Variants in CSNK1G1 observed in about 807,000 individuals in gnomAD.
The protein encoded by CSNK1G1 is casein kinase 1 gamma 1, also known as casein kinase I isoform gamma-1.
In CSNK1G1, 22 loss-of-function variants were observed where a neutral mutation model predicts 59.6. The observed-to-expected ratio is 0.37, with a 90% confidence interval of 0.26 to 0.53. CSNK1G1 has a LOEUF of 0.53. Ranked by LOEUF, CSNK1G1 falls within the 20% of genes least tolerant of loss-of-function variation. CSNK1G1 has a pLI of 0.89. For synonymous variants in CSNK1G1, 179 were observed against 177.1 expected (o/e 1.01, Z -0.08); for missense variants, 384 against 519.5 (o/e 0.74, Z 2.54).
At chr15:64,187,358 A>ATT (rs371229586) in intron 10 of CSNK1G1, among the ~76,000 whole-genome samples, 2 of 145,302 alleles carry the variant, frequency 1.4e-5, no homozygotes, top group Non-Finnish European at 1.5e-5. Flanking sequence ...GGCCTGGCTA[A>ATT]TTTTTTTTTT....
At position 64,257,287 on chromosome 15, in the gene CSNK1G1, C is replaced by T. The variant is rs376766661; in HGVS notation, c.222+1914G>A. 8.6e-5 allele frequency among the ~76,000 whole-genome samples: 13 copies of T among 152,010 alleles called. 1 individual carries two copies. Among genetic ancestry groups the T allele is most frequent in the East Asian group, 5.8e-4 (3 of 5,186 alleles). On this transcript the variant is annotated intron_variant, in intron 3 of 11. Coordinates refer to ENST00000303052, the MANE Select transcript of CSNK1G1 (RefSeq NM_022048.5). ...TATCTATACAGGTTGATTGGTATAA[C>T]CTGGCAGAAGAAATCAAGATGAAAG...
At position 64,278,757 on chromosome 15, in the gene CSNK1G1, C is replaced by G. The variant is rs530920896; in HGVS notation, c.182-19516G>C. ...GTAGATTTTTATGTAAAATTAGGTA[C>G]TCAACTAATGTACATATAGGAGAAG... On this transcript the variant is annotated intron_variant, in intron 2 of 11. Coordinates refer to ENST00000303052, the MANE Select transcript of CSNK1G1 (RefSeq NM_022048.5). Among the ~76,000 whole-genome samples, 11 of 152,254 alleles carry G rather than the reference C, an allele frequency of 7.2e-5. No homozygotes were observed. The East Asian group carries it at 1.4e-3, about 19-fold the overall frequency.
At chr15:64,264,301 T>C (rs991175310) in intron 2 of CSNK1G1, among the ~76,000 whole-genome samples, 2 of 152,072 alleles carry the variant, frequency 1.3e-5, no homozygotes, top group South Asian at 2.1e-4. Flanking sequence ...CCTGGAAACA[T>C]ACATACAACC....
At chr15:64,227,534 A>T (rs2082478899) in intron 4 of CSNK1G1, among the ~76,000 whole-genome samples, 1 of 152,240 alleles carries the variant, frequency 6.6e-6, no homozygotes, top group South Asian at 2.1e-4. Flanking sequence ...ATGACCAAAA[A>T]AATGAGACAT....
chr15:64,196,391 T>C (rs2082039014), intron 10 of CSNK1G1, among the ~76,000 whole-genome samples: 1 of 151,712 alleles, frequency 6.6e-6, no homozygotes, highest in Non-Finnish European at 1.5e-5. Flanking sequence ...AGCAAAATTT[T>C]CCCAGAATAC....
intron 4 of CSNK1G1, among the ~76,000 whole-genome samples, chr15:64,249,029 G>A (rs1483173149): frequency 2.6e-5 from 4 of 152,234 alleles, no homozygotes; most frequent in African/African-American, 9.6e-5. Flanking sequence ...AGGCTGAGGA[G>A]GAGAATGGCG....
At chr15:64,296,937 C>CTTTTTTTTTTTT (rs960068624) in intron 2 of CSNK1G1, among the ~76,000 whole-genome samples, 2 of 89,668 alleles carry the variant, frequency 2.2e-5, no homozygotes, top group Admixed American at 1.3e-4. Flanking sequence ...ACTATCGTTA[C>CTTTTTTTTTTTT]TTTTTTTTTT....
At chr15:64,217,089 T>A (rs149435310) in intron 4 of CSNK1G1, among the ~76,000 whole-genome samples, 10 of 152,228 alleles carry the variant, frequency 6.6e-5, no homozygotes, top group Admixed American at 6.5e-4. Context: ...CAGGCTAACA[T>A]AACTTGTTAC....
chr15:64,216,504 A>G lies in CSNK1G1; in HGVS notation c.444+58T>C. 6.4e-7 allele frequency: 1 copy of G among 1,553,102 alleles called. No individual in the cohort carries two copies. Among genetic ancestry groups the G allele is most frequent in the Non-Finnish European group, 8.8e-7 (1 of 1,130,172 alleles). ...CGGCTAGTAAATCACCAAAAGGCCCACAAGGATGTGGCTGAGGAACCAGCT... is the reference window on the plus strand; with the variant it reads ...CGGCTAGTAAATCACCAAAAGGCCCGCAAGGATGTGGCTGAGGAACCAGCT... On this transcript the variant is annotated intron_variant, in intron 5 of 11. Transcript: ENST00000303052. This position sits in a 1 kb window ranked among gnomAD's most constrained non-coding sequence, Gnocchi z 4.6.
chr15:64,281,738 G>A (rs1286498444), intron 2 of CSNK1G1, among the ~76,000 whole-genome samples: 2 of 151,834 alleles, frequency 1.3e-5, no homozygotes, highest in African/African-American at 4.8e-5. Flanking sequence ...TACTCAGGAG[G>A]CTGAGGCAGG....
At chr15:64,206,542 G>C (rs564476872) in intron 7 of CSNK1G1, among the ~76,000 whole-genome samples, 1 of 149,778 alleles carries the variant, frequency 6.7e-6, no homozygotes, top group African/African-American at 2.5e-5. Context: ...GGGAGGTGGA[G>C]GTTGCAGCGA....
intron 4 of CSNK1G1, among the ~76,000 whole-genome samples, chr15:64,244,828 A>G (rs1891666651): frequency 6.6e-6 from 1 of 152,052 alleles, no homozygotes; most frequent in African/African-American, 2.4e-5. Flanking sequence ...AAGGCGGGGA[A>G]AAAAAAACAA....
chr15:64,204,456 C>G lies in CSNK1G1; in HGVS notation c.984G>C (p.Trp328Cys). 1 of 1,588,964 alleles carries G rather than the reference C, an allele frequency of 6.3e-7. No homozygotes were observed. Among genetic ancestry groups the G allele is most frequent in the African/African-American group, 1.4e-5 (1 of 73,034 alleles). Residue 328 changes from tryptophan (W) to cysteine (C), a missense_variant, in exon 9 of 12, where the codon TGG (tryptophan) becomes TGC (cysteine). This residue lies in a region of CSNK1G1 where 325 missense variants were observed against 440.9 expected (regional missense o/e 0.74). Transcript: ENST00000303052. ...GGATACTTACAATAGGTCTCCCAAC[C>G]CAATCATAGGCATAGTCAAAGGTGT... ...KGYTFDYAYD[W>C]VGRPIPTPVG...
intron 4 of CSNK1G1, among the ~76,000 whole-genome samples, chr15:64,249,806 C>T (rs1891973819): frequency 6.6e-6 from 1 of 152,180 alleles, no homozygotes; most frequent in Non-Finnish European, 1.5e-5. Flanking sequence ...GAGTACCAAC[C>T]CAGCAGCACA....
chr15:64,281,028 C>T lies in CSNK1G1; in HGVS notation c.181+19291G>A, dbSNP rs188216262. On this transcript the variant is annotated intron_variant, in intron 2 of 11. Transcript: ENST00000303052. ...CCAAGTAGCTGGGACTACAGGCACC[C>T]GCCACCACGCCCGGCTAATTTTTTG... Among the ~76,000 whole-genome samples the T allele has an allele frequency of 7.8e-4, 118 of 151,420 alleles. 1 individual carries two copies. The East Asian group carries it at 0.021, about 27-fold the overall frequency.
intron 10 of CSNK1G1, among the ~76,000 whole-genome samples, chr15:64,185,376 A>G (rs1395163366): frequency 1.3e-5 from 2 of 151,754 alleles, no homozygotes; most frequent in Non-Finnish European, 3.0e-5. Context: ...GGTATGCTAA[A>G]AACAGTGTCA....
chr15:64,266,114 G>A (rs569551717), intron 2 of CSNK1G1, among the ~76,000 whole-genome samples: 1 of 151,916 alleles, frequency 6.6e-6, no homozygotes, highest in Admixed American at 6.5e-5. Flanking sequence ...CCAGGCTGCA[G>A]TGCAGCGACA....
chr15:64,225,153 C>T (rs1399206104), intron 4 of CSNK1G1, among the ~76,000 whole-genome samples: 5 of 151,832 alleles, frequency 3.3e-5, no homozygotes, highest in Admixed American at 2.6e-4. Flanking sequence ...GGATTACAGG[C>T]ATGCACCACC....
intron 1 of CSNK1G1, among the ~76,000 whole-genome samples, chr15:64,349,266 T>C (rs1267000501): frequency 6.6e-6 from 1 of 152,054 alleles, no homozygotes; most frequent in African/African-American, 2.4e-5. Flanking sequence ...GGGGATCCAA[T>C]GCTATTGTTC....
Sources: gnomAD v4.1 joint callset for allele counts (sites outside exome capture counted in the v4.1 genomes callset) on GRCh38, gnomAD v4.1.1 for gene constraint, gnomAD v4.1.1 regional missense constraint, Gnocchi (gnomAD v3.1) non-coding constraint, MANE v1.5 for transcripts, NCBI Gene and HGNC (gene_info 2026-07-23, HGNC 2026-07-21) for gene names.